Variants in DNMT3B observed in about 807,000 individuals in gnomAD.
DNMT3B encodes DNA methyltransferase 3 beta.
Under a neutral mutation model 120.2 loss-of-function variants are expected in DNMT3B, and 37 were observed. That is an observed-to-expected ratio of 0.31 (90% confidence interval 0.24 to 0.40). DNMT3B has a LOEUF of 0.40. DNMT3B is among the 10% of genes least tolerant of loss of function. DNMT3B has a pLI of 1.00. For synonymous variants in DNMT3B, 412 were observed against 442.8 expected (o/e 0.93, Z 0.87); for missense variants, 878 against 1,137.3 (o/e 0.77, Z 3.28).
chr20:32,769,573 A>T (rs535414736), intron 1 of DNMT3B, among the ~76,000 whole-genome samples: 1 of 152,080 alleles, frequency 6.6e-6, no homozygotes, highest in Non-Finnish European at 1.5e-5. Context: ...GTAATTGTGG[A>T]CAGTTTTTGA....
At chr20:32,799,603 C>A (rs1450362697) in intron 16 of DNMT3B, among the ~76,000 whole-genome samples, 1 of 152,086 alleles carries the variant, frequency 6.6e-6, no homozygotes, top group African/African-American at 2.4e-5. Context: ...CACTGCAGCC[C>A]CCATCTCCGA....
chr20:32,766,890 T>TA (rs1233350268), intron 1 of DNMT3B, among the ~76,000 whole-genome samples: 6 of 151,850 alleles, frequency 4.0e-5, no homozygotes, highest in African/African-American at 1.5e-4. Context: ...AATTTTTTTT[T>TA]AATTATTTTT....
intron 1 of DNMT3B, among the ~76,000 whole-genome samples, chr20:32,768,181 G>C (rs1407712949): frequency 1.4e-5 from 2 of 146,500 alleles, no homozygotes; most frequent in Non-Finnish European, 3.0e-5. Context: ...CACCAGGCTT[G>C]GCTAATTTTA....
chr20:32,778,100 A>T (rs57641971), intron 1 of DNMT3B, among the ~76,000 whole-genome samples: 12,854 of 152,236 alleles, frequency 0.084, 653 homozygotes, highest in African/African-American at 0.15. Context: ...GCACTTTGGT[A>T]GGCTGAGGTG....
At position 32,805,363 on chromosome 20, in the gene DNMT3B, AAACTCG is replaced by A. The variant is rs1568863533; in HGVS notation, c.2259_2264del (p.Glu755_Leu756del). 7 of 1,614,172 alleles carry A rather than the reference AAACTCG, an allele frequency of 4.3e-6. No individual in the cohort carries two copies. Among genetic ancestry groups the A allele is most frequent in the Non-Finnish European group, 5.9e-6 (7 of 1,180,010 alleles). On this transcript the variant is annotated inframe_deletion, in exon 21 of 23. Transcript: ENST00000328111. ...GCCCGTGATAGCATCAAAGAATGAT[AAACTCG>A]AGCTGCAGGACTGCTTGGAATACAA...
At chr20:32,789,495 C>T (rs1489533136) in intron 7 of DNMT3B, among the ~76,000 whole-genome samples, 1 of 152,168 alleles carries the variant, frequency 6.6e-6, no homozygotes, top group East Asian at 1.9e-4. Context: ...ATGATTGATT[C>T]TAGCCTTTTA....
rs750057691 is a variant in DNMT3B at position 32,762,611 on chromosome 20, G to T, written c.-95G>T. On this transcript the variant is annotated 5_prime_UTR_variant, in exon 1 of 23. Transcript: ENST00000328111. ...GGCGCCGGAGATTCGCGAGCCCAGC[G>T]CCCTGCACGGCCGCCAGCCGGCCTC... 6.8e-5 allele frequency: 20 copies of T among 295,426 alleles called. No individual in the cohort carries two copies. The highest frequency in any genetic ancestry group is 4.5e-4 in the African/African-American group (20 of 44,384). The allele number at this position is 295,426 out of a possible 1,614,324, so 18.3% of individuals were successfully genotyped here.
Position 32,799,333 on chromosome 20 carries a change from G to GT in DNMT3B, c.1759+7dup. The GT allele has an allele frequency of 6.2e-7, 1 of 1,611,410 alleles. No individual in the cohort carries two copies. ...TGTTTGATGGCATCGCGACAGGTGA[G>GT]TTCGGGGAACACCTGGAGACACTGC... On this transcript the variant is annotated splice_donor_region_variant and intron_variant, in intron 16 of 22. Coordinates refer to ENST00000328111, the MANE Select transcript of DNMT3B (RefSeq NM_006892.4).
At chr20:32,805,603 A>G (rs562557902) in intron 21 of DNMT3B, among the ~76,000 whole-genome samples, 196 bp downstream of exon 21, 2 of 152,264 alleles carry the variant, frequency 1.3e-5, no homozygotes, top group African/African-American at 4.8e-5. Context: ...ATAAGTAATC[A>G]CGACGAGAAA....
intron 1 of DNMT3B, among the ~76,000 whole-genome samples, chr20:32,763,443 G>A (rs973534638): frequency 1.3e-5 from 2 of 152,180 alleles, no homozygotes; most frequent in African/African-American, 4.8e-5. Flanking sequence ...GCGCCTCCCT[G>A]TCCCGGCCAC....
In DNMT3B at chr20:32,808,083, T is replaced by C. The variant is rs747690585; in HGVS notation, c.*180T>C. 24 of 999,984 alleles carry C rather than the reference T, an allele frequency of 2.4e-5. No homozygotes were observed. The highest frequency in any genetic ancestry group is 4.8e-5 in the African/African-American group (3 of 62,234). 61.9% of individuals were successfully genotyped at this position (999,984 alleles called of 1,614,324 possible). On this transcript the variant is annotated 3_prime_UTR_variant, in exon 23 of 23. Coordinates refer to ENST00000328111, the MANE Select transcript of DNMT3B (RefSeq NM_006892.4). ...TGACTCTTGCAGGGGTAGCCTGAGG[T>C]GCCGCCTCCTTGTGCACAAATCAGA...
chr20:32,803,441 TGGCTAAGCA>T (rs1981598331), intron 20 of DNMT3B, among the ~76,000 whole-genome samples: 2 of 152,316 alleles, frequency 1.3e-5, no homozygotes, highest in South Asian at 4.1e-4. Flanking sequence ...CCCGTGTACT[TGGCTAAGCA>T]GCCAGTCTTA....
At chr20:32,797,347 C>T in intron 14 of DNMT3B, 48 bp downstream of exon 14, 2 of 1,570,706 alleles carry the variant, frequency 1.3e-6, no homozygotes, top group Non-Finnish European at 8.7e-7. Flanking sequence ...CCCCAAGGCT[C>T]CTACGTTCCT....
intron 1 of DNMT3B, among the ~76,000 whole-genome samples, chr20:32,767,170 A>G (rs1274659039): frequency 6.6e-6 from 1 of 152,154 alleles, no homozygotes; most frequent in Non-Finnish European, 1.5e-5. Flanking sequence ...TGCTGGGATT[A>G]TAGGCGTGAG....
chr20:32,807,720 A>C, intron 22 of DNMT3B, 42 bp from the exon 23 acceptor site: 2 of 1,612,472 alleles, frequency 1.2e-6, no homozygotes, highest in Non-Finnish European at 1.7e-6. Flanking sequence ...AACATCCTGG[A>C]GGCACTTCTG....
At chr20:32,781,481 G>A (rs1978620066) in intron 3 of DNMT3B, 67 bp downstream of exon 3, 4 of 1,547,656 alleles carry the variant, frequency 2.6e-6, no homozygotes, top group Non-Finnish European at 3.6e-6. Context: ...CACGTGGGCT[G>A]CCTGAGGCCC....
chr20:32,784,920 C>T (rs1374402849), intron 4 of DNMT3B, 61 bp downstream of exon 4: 20 of 1,470,146 alleles, frequency 1.4e-5, no homozygotes, highest in Admixed American at 6.7e-5. Flanking sequence ...GCATACATAG[C>T]ATGCTACATA....
chr20:32,777,860 G>A (rs907643373), intron 1 of DNMT3B, among the ~76,000 whole-genome samples: 2 of 152,182 alleles, frequency 1.3e-5, no homozygotes, highest in Admixed American at 6.5e-5. Flanking sequence ...TCTGATTCAG[G>A]CACGTCCCTT....
rs1203238069 is a variant in DNMT3B, at chr20:32,798,418, A to G, written c.1491-42A>G. The G allele has an allele frequency of 1.9e-6, 3 of 1,612,894 alleles. No homozygotes were observed. In the African/African-American group the frequency reaches 4.0e-5, roughly 22 times the overall value. On this transcript the variant is annotated intron_variant, in intron 14 of 22. Transcript: ENST00000328111. ...TGGTAAGGGGGTGGCACAGGAGACC[A>G]GCTCTGACAAAGGCATCCCTTCTCC...
Sources: gnomAD v4.1 joint callset for allele counts (sites outside exome capture counted in the v4.1 genomes callset) on GRCh38, gnomAD v4.1.1 for gene constraint, MANE v1.5 for transcripts, NCBI Gene and HGNC (gene_info 2026-07-23, HGNC 2026-07-21) for gene names.